The following RBMXL3 variants were observed in gnomAD, a reference collection of about 807,000 sequenced individuals.
RBMXL3 encodes RNA-binding motif protein, X-linked-like-3.
RBMXL3 carries 2 observed loss-of-function variants against 0.8 expected under a neutral mutation model. The observed-to-expected ratio is 2.54, with a 90% CI of 1.04 to 8.00. The LOEUF (loss-of-function observed/expected upper bound fraction) is 8.00, where lower values mean the gene tolerates loss of function less well. Ranked by LOEUF, RBMXL3 falls within the 30% of genes most tolerant of loss-of-function variation. RBMXL3 has a pLI of 0.04. For synonymous variants in RBMXL3, 447 were observed against 449.8 expected, an observed-to-expected ratio of 0.99 and a Z score of 0.08; for missense variants, 1,127 against 1,068.0, an observed-to-expected ratio of 1.06 and a Z score of -0.77.
In RBMXL3 at chrX:115,190,762, G is replaced by A. The variant is rs782556433; in HGVS notation, c.1321G>A (p.Asp441Asn). ...GGCCCGCAGCGGGGGCCGCTCCACT[G>A]ATGCCCACAGCAGGGGCCGGTCCGA... Reference protein sequence around the residue: ...HEARSGGRSTDAHSRGRSDDA... With the variant: ...HEARSGGRSTNAHSRGRSDDA... The change falls in exon 1 of 1, where the codon GAT becomes AAT. Residue 441 changes from aspartate to asparagine, a missense_variant. By Grantham distance (23) the Asp-to-Asn change is conservative. Transcript: ENST00000424776. The A allele has an allele frequency of 3.0e-5, 35 of 1,164,690 alleles. No individual in the cohort carries two copies. Among genetic ancestry groups the A allele is most frequent in the South Asian group, 1.5e-4 (8 of 52,522 alleles).
chrX:115,189,841 G>T lies in RBMXL3; in HGVS notation c.400G>T (p.Ala134Ser), dbSNP rs991973068. ...CAGGCCTGATGACGGCCGCGGCTACGCGGGGTATTTCGACCTGTGGCCCTA... is the reference window on the plus strand; with the variant it reads ...CAGGCCTGATGACGGCCGCGGCTACTCGGGGTATTTCGACCTGTGGCCCTA... ...QGRPDDGRGY[A>S]GYFDLWPYRA... Residue 134 changes from alanine to serine, a missense_variant, in exon 1 of 1, where the codon GCG (alanine) becomes TCG (serine). By Grantham distance (99) the Ala-to-Ser change is moderately conservative (BLOSUM62 1). Coordinates refer to ENST00000424776, the MANE Select transcript of RBMXL3 (RefSeq NM_001145346.2). The T allele has an allele frequency of 9.4e-6, 11 of 1,166,293 alleles. No individual in the cohort carries two copies. The highest frequency in any genetic ancestry group is 2.3e-4 in the Middle Eastern group (1 of 4,313).
Position 115,192,283 on chromosome X carries a change from C to T in RBMXL3, c.2842C>T (p.Arg948Cys), listed in dbSNP as rs1487132568. The change falls in exon 1 of 1, where the codon CGC becomes TGC. Residue 948 changes from arginine (R) to cysteine (C), a missense_variant. Physicochemically the swap from Arg to Cys is radical, Grantham distance 180. Transcript: ENST00000424776. The stretch of plus-strand genomic sequence containing the variant: ...GAGCCACCGCTACGGAGGAGGAGGC[C>T]GCTACGAGGAGTACCGAGGCCCCTC... ...GRSHRYGGGG[R>C]YEEYRGPSPD... The T allele has an allele frequency of 2.4e-5, 28 of 1,164,976 alleles. No individual in the cohort carries two copies. The highest frequency in any genetic ancestry group is 9.5e-5 in the South Asian group (5 of 52,488).
In RBMXL3 at chrX:115,190,127, G is replaced by C; in HGVS notation, c.686G>C (p.Trp229Ser). The C allele has an allele frequency of 8.6e-7, 1 of 1,159,942 alleles. No individual in the cohort carries two copies. ...ATGCCTGGGAAGGCCCCGGCCGTGT[G>C]GGGGCAAGATGGCTACTCAGGCCCG... ...SGMPGKAPAV[W>S]GQDGYSGPRV... is the part of the protein sequence containing the mutation. The change falls in exon 1 of 1, where the codon TGG becomes TCG. Residue 229 changes from tryptophan to serine, a missense_variant. By Grantham distance (177) the Trp-to-Ser change is radical. Coordinates refer to ENST00000424776, the MANE Select transcript of RBMXL3 (RefSeq NM_001145346.2).
chrX:115,190,455 T>A lies in RBMXL3; in HGVS notation c.1014T>A (p.Asp338Glu). The stretch of plus-strand genomic sequence containing the variant: ...AGGAGTACCAGGGCAACTCGCCCGA[T>A]GCCTGCAGTGAAGGCCGCTCGTCCG... ...RYEEYQGNSP[D>E]ACSEGRSSEA... Residue 338 changes from aspartate to glutamate, a missense_variant, in exon 1 of 1, where the codon GAT (aspartate) becomes GAA (glutamate). Asp to Glu is a conservative substitution (Grantham distance 45). Transcript: ENST00000424776. The A allele has an allele frequency of 8.6e-7, 1 of 1,167,100 alleles. No individual in the cohort carries two copies. Among genetic ancestry groups the A allele is most frequent in the Non-Finnish European group, 1.1e-6 (1 of 872,828 alleles).
Position 115,191,165 on chromosome X carries a change from G to T in RBMXL3, c.1724G>T (p.Gly575Val). 1 of 1,166,640 alleles carries T rather than the reference G, an allele frequency of 8.6e-7. No homozygotes were observed. Among genetic ancestry groups the T allele is most frequent in the Non-Finnish European group, 1.1e-6 (1 of 872,709 alleles). Reference sequence around the variant, plus strand: ...TGCTCTGCCGACGCCTACAGTGGGGGCCACGACAGTTCCAGCCAGAGCAAC... The same window carrying T: ...TGCTCTGCCGACGCCTACAGTGGGGTCCACGACAGTTCCAGCCAGAGCAAC... ...GGCSADAYSG[G>V]HDSSSQSNRY... The change falls in exon 1 of 1, where the codon GGC becomes GTC. Residue 575 changes from glycine (G) to valine (V), a missense_variant. Coordinates refer to ENST00000424776, the MANE Select transcript of RBMXL3 (RefSeq NM_001145346.2).
rs782309880 is a variant in RBMXL3 at position 115,191,816 on chromosome X, G to A, written c.2375G>A (p.Gly792Glu). 44 of 1,152,251 alleles carry A rather than the reference G, an allele frequency of 3.8e-5. No individual in the cohort carries two copies. The highest frequency in any genetic ancestry group is 5.1e-5 in the Non-Finnish European group (44 of 863,077). 95.0% of individuals were successfully genotyped at this position (1,152,251 alleles called of 1,213,427 possible). Residue 792 changes from glycine to glutamate, a missense_variant, in exon 1 of 1, where the codon GGA becomes GAA. Physicochemically the swap from Gly to Glu is moderately conservative, Grantham distance 98 (BLOSUM62 -2). Coordinates refer to ENST00000424776, the MANE Select transcript of RBMXL3 (RefSeq NM_001145346.2). ...YRGRSLDANS[G>E]GRSPNAYSGG... is the part of the protein sequence containing the mutation. Reference sequence around the variant, plus strand: ...GGCCGCTCGCTCGATGCCAACAGCGGAGGCCGCTCACCCAATGCCTACAGC... The same window carrying A: ...GGCCGCTCGCTCGATGCCAACAGCGAAGGCCGCTCACCCAATGCCTACAGC...
Position 115,189,836 on chromosome X carries a change from G to A in RBMXL3, c.395G>A (p.Gly132Asp). The change falls in exon 1 of 1, where the codon GGC becomes GAC. Residue 132 changes from glycine (G) to aspartate (D), a missense_variant. By Grantham distance (94) the Gly-to-Asp change is moderately conservative (BLOSUM62 -1). Transcript: ENST00000424776. ...CAGGGCAGGCCTGATGACGGCCGCG[G>A]CTACGCGGGGTATTTCGACCTGTGG... ...PSQGRPDDGR[G>D]YAGYFDLWPY... is the part of the protein sequence containing the mutation. The A allele has an allele frequency of 8.6e-7, 1 of 1,167,190 alleles. No homozygotes were observed. The highest frequency in any genetic ancestry group is 1.8e-5 in the African/African-American group (1 of 56,593).
rs1207617561 is a variant in RBMXL3, at chrX:115,192,229, C to A, written c.2788C>A (p.Leu930Ile). Residue 930 changes from leucine to isoleucine, a missense_variant, in exon 1 of 1, where the codon CTC (leucine) becomes ATC (isoleucine). Coordinates refer to ENST00000424776, the MANE Select transcript of RBMXL3 (RefSeq NM_001145346.2). The stretch of plus-strand genomic sequence containing the variant: ...CAATGCCTACGGCGGGGGCCGCGGC[C>A]TCAACAGTTCCAACAACAGTCATGG... ...SPNAYGGGRG[L>I]NSSNNSHGRS... 1 of 1,162,588 alleles carries A rather than the reference C, an allele frequency of 8.6e-7. No individual in the cohort carries two copies. The highest frequency in any genetic ancestry group is 1.1e-6 in the Non-Finnish European group (1 of 871,400).
Position 115,192,850 on chromosome X carries a change from G to C in RBMXL3, c.*205G>C. ...TTAATGTTTCTTTCAACAAGTTCTT[G>C]TTAAAAGTATAAGATATGAACCTGA... is the stretch of plus-strand genomic sequence containing the variant. On this transcript the variant is annotated 3_prime_UTR_variant, in exon 1 of 1. Transcript: ENST00000424776. 1 of 432,379 alleles carries C rather than the reference G, an allele frequency of 2.3e-6. No individual in the cohort carries two copies. Among genetic ancestry groups the C allele is most frequent in the Admixed American group, 4.2e-5 (1 of 23,957 alleles). The allele number at this position is 432,379 out of a possible 1,213,427, so 35.6% of individuals were successfully genotyped here.
Position 115,190,475 on chromosome X carries a change from C to T in RBMXL3, c.1034C>T (p.Ser345Leu), listed in dbSNP as rs1408897760. Residue 345 changes from serine to leucine, a missense_variant, in exon 1 of 1, where the codon TCG becomes TTG. Coordinates refer to ENST00000424776, the MANE Select transcript of RBMXL3 (RefSeq NM_001145346.2). The part of the protein sequence containing the change: ...NSPDACSEGR[S>L]SEALPVVLPD... Reference sequence around the variant, plus strand: ...CCCGATGCCTGCAGTGAAGGCCGCTCGTCCGAGGCCTTGCCAGTCGTCTTG... The same window carrying T: ...CCCGATGCCTGCAGTGAAGGCCGCTTGTCCGAGGCCTTGCCAGTCGTCTTG... 16 of 1,166,205 alleles carry T rather than the reference C, an allele frequency of 1.4e-5. No individual in the cohort carries two copies. The highest frequency in any genetic ancestry group is 1.7e-5 in the Non-Finnish European group (15 of 872,739).
chrX:115,190,128 G>C lies in RBMXL3; in HGVS notation c.687G>C (p.Trp229Cys). The change falls in exon 1 of 1, where the codon TGG becomes TGC. Residue 229 changes from tryptophan (W) to cysteine (C), a missense_variant. Transcript: ENST00000424776. ...SGMPGKAPAV[W>C]GQDGYSGPRV... ...TGCCTGGGAAGGCCCCGGCCGTGTG[G>C]GGGCAAGATGGCTACTCAGGCCCGC... 2 of 1,159,634 alleles carry C rather than the reference G, an allele frequency of 1.7e-6. No homozygotes were observed. The highest frequency in any genetic ancestry group is 1.2e-6 in the Non-Finnish European group (1 of 868,314).
rs782142615 is a variant in RBMXL3, at chrX:115,191,782, G to A, written c.2341G>A (p.Glu781Lys). The change falls in exon 1 of 1, where the codon GAG becomes AAG. Residue 781 changes from glutamate to lysine, a missense_variant. Physicochemically the swap from Glu to Lys is moderately conservative, Grantham distance 56. Transcript: ENST00000424776. ...CTACGGAGGAGGAGGCCGCTACGAGGAGTACCGAGGCCGCTCGCTCGATGC... is the reference window on the plus strand; with the variant it reads ...CTACGGAGGAGGAGGCCGCTACGAGAAGTACCGAGGCCGCTCGCTCGATGC... ...HRYGGGGRYE[E>K]YRGRSLDANS... 13 of 1,162,628 alleles carry A rather than the reference G, an allele frequency of 1.1e-5. No homozygotes were observed. In the African/African-American group the frequency reaches 2.2e-4, roughly 19 times the overall value.
chrX:115,192,197 G>T lies in RBMXL3; in HGVS notation c.2756G>T (p.Arg919Leu). 5 of 1,165,899 alleles carry T rather than the reference G, an allele frequency of 4.3e-6. No homozygotes were observed. The highest frequency in any genetic ancestry group is 5.7e-6 in the Non-Finnish European group (5 of 872,557). The change falls in exon 1 of 1, where the codon CGC (arginine) becomes CTC (leucine). Residue 919 changes from arginine to leucine, a missense_variant. Coordinates refer to ENST00000424776, the MANE Select transcript of RBMXL3 (RefSeq NM_001145346.2). ...GGCTGCTACGAGGAATACCAAGGCC[G>T]CTCGCCCAATGCCTACGGCGGGGGC... ...RGGCYEEYQG[R>L]SPNAYGGGRG...
In RBMXL3 at chrX:115,191,891, G is replaced by A. The variant is rs201240097; in HGVS notation, c.2450G>A (p.Arg817His). 1.9e-5 allele frequency: 22 copies of A among 1,163,223 alleles called. No individual in the cohort carries two copies. Among genetic ancestry groups the A allele is most frequent in the Non-Finnish European group, 2.3e-5 (20 of 871,830 alleles). ...AACGACCCCTGCAGAGGAGGAGGCC[G>A]CTACGAGGAGAACCGAGGTCACTCT... is the stretch of plus-strand genomic sequence containing the variant. ...SRNDPCRGGG[R>H]YEENRGHSLD... Residue 817 changes from arginine to histidine, a missense_variant, in exon 1 of 1, where the codon CGC (arginine) becomes CAC (histidine). Physicochemically the swap from Arg to His is conservative, Grantham distance 29 (BLOSUM62 0). Coordinates refer to ENST00000424776, the MANE Select transcript of RBMXL3 (RefSeq NM_001145346.2).
Position 115,190,808 on chromosome X carries a change from A to G in RBMXL3, c.1367A>G (p.His456Arg), listed in dbSNP as rs1372634454. The change falls in exon 1 of 1, where the codon CAT (histidine) becomes CGT (arginine). Residue 456 changes from histidine to arginine, a missense_variant. By Grantham distance (29) the His-to-Arg change is conservative. Transcript: ENST00000424776. ...GRSDDAYSGG[H>R]DSSSWSDCCG... ...TCCGACGACGCCTACAGTGGGGGCC[A>G]TGACAGTTCCAGCTGGAGCGACTGC... is the stretch of plus-strand genomic sequence containing the variant. The G allele has an allele frequency of 8.7e-7, 1 of 1,154,882 alleles. No individual in the cohort carries two copies. Among genetic ancestry groups the G allele is most frequent in the Non-Finnish European group, 1.2e-6 (1 of 866,577 alleles).
chrX:115,192,365 A>ACCGCT lies in RBMXL3; in HGVS notation c.2925_2929dup (p.Tyr977SerfsTer44). ...TCCATCAAGAGTTACGGCCTGAGCG[A>ACCGCT]CCGCTACGGAGGAGGAGGCCACTAC... On this transcript the variant is annotated frameshift_variant, in exon 1 of 1. Transcript: ENST00000424776. LOFTEE classifies it low-confidence loss of function (END_TRUNC). 1 of 1,160,046 alleles carries ACCGCT rather than the reference A, an allele frequency of 8.6e-7. No homozygotes were observed. Among genetic ancestry groups the ACCGCT allele is most frequent in the Non-Finnish European group, 1.2e-6 (1 of 867,851 alleles).
Position 115,191,348 on chromosome X carries a change from G to T in RBMXL3, c.1907G>T (p.Arg636Leu), listed in dbSNP as rs185429536. 9.3e-5 allele frequency: 106 copies of T among 1,139,663 alleles called. 2 individuals carry two copies. The African/African-American group carries it at 1.7e-3, about 18-fold the overall frequency. 93.9% of individuals were successfully genotyped at this position (1,139,663 alleles called of 1,213,427 possible). ...GGCCGCTACGAGGAGTACCGAGGCC[G>T]CTCCCTTGATGCCAACAGTGGAGGC... ...GGGRYEEYRGRSLDANSGGRS... is the reference protein window; with the variant it reads ...GGGRYEEYRGLSLDANSGGRS... Residue 636 changes from arginine (R) to leucine (L), a missense_variant, in exon 1 of 1, where the codon CGC becomes CTC. Transcript: ENST00000424776.
Position 115,191,863 on chromosome X carries a change from C to T in RBMXL3, c.2422C>T (p.Arg808Trp), listed in dbSNP as rs782074525. 1.3e-4 allele frequency: 147 copies of T among 1,157,533 alleles called. No individual in the cohort carries two copies. The highest frequency in any genetic ancestry group is 1.2e-3 in the African/African-American group (64 of 53,416). Residue 808 changes from arginine (R) to tryptophan (W), a missense_variant, in exon 1 of 1, where the codon CGG becomes TGG. Physicochemically the swap from Arg to Trp is moderately radical, Grantham distance 101 (BLOSUM62 -3). Coordinates refer to ENST00000424776, the MANE Select transcript of RBMXL3 (RefSeq NM_001145346.2). ...AYSGGHNSSS[R>W]NDPCRGGGRY... is the part of the protein sequence containing the mutation. ...CAGCGGGGGCCACAACAGTTCCAGC[C>T]GGAACGACCCCTGCAGAGGAGGAGG...
In RBMXL3 at chrX:115,189,410, A is replaced by G; in HGVS notation, c.-32A>G. The G allele has an allele frequency of 8.7e-7, 1 of 1,145,574 alleles. No homozygotes were observed. The highest frequency in any genetic ancestry group is 1.2e-6 in the Non-Finnish European group (1 of 860,172). The allele number at this position is 1,145,574 out of a possible 1,213,427, so 94.4% of individuals were successfully genotyped here. On this transcript the variant is annotated 5_prime_UTR_variant, in exon 1 of 1. Transcript: ENST00000424776. ...CTGAACTGCCGCGTCATCACTTCCC[A>G]CTTCCTCTGACCCACCATTCGGCAG...
Sources: gnomAD v4.1 joint callset for allele counts on GRCh38, gnomAD v4.1.1 for gene constraint, MANE v1.5 for transcripts, NCBI Gene and HGNC (gene_info 2026-07-23, HGNC 2026-07-21) for gene names.